ABL1: variants seen among roughly 807,000 people sequenced by gnomAD.
The protein encoded by ABL1 is tyrosine-protein kinase ABL1.
Under a neutral mutation model 94.7 loss-of-function variants are expected in ABL1, and 11 were observed. The observed-to-expected ratio is 0.12, with a 90% CI of 0.07 to 0.19. ABL1 has a LOEUF of 0.19. Ranked by LOEUF, ABL1 falls within the 10% of genes least tolerant of loss-of-function variation. The pLI is 1.00. For missense variants in ABL1, 1,082 were observed against 1,489.4 expected (o/e 0.73, Z 4.50); for synonymous variants, 656 against 622.4 (o/e 1.05, Z -0.80).
intron 1 of ABL1, among the ~76,000 whole-genome samples, chr9:130,846,287 T>C (rs895318157): frequency 2.6e-5 from 4 of 152,204 alleles, no homozygotes; most frequent in Admixed American, 1.3e-4. Flanking sequence ...ATAAAATAAC[T>C]TGAGAATAGT....
intron 1 of ABL1, among the ~76,000 whole-genome samples, chr9:130,735,952 TATATATATA>T (rs1831732689): frequency 4.5e-5 from 4 of 88,798 alleles, no homozygotes; most frequent in African/African-American, 3.1e-4. Flanking sequence ...TATATATATA[TATATATATA>T]TTTTTTTTTT....
In ABL1 at chr9:130,884,853, A is replaced by T. The variant is rs774659092; in HGVS notation, c.2563A>T (p.Ser855Cys). ...TGCAGCTGAGCCAGTGACCCCCACC[A>T]GCAAAGCAGGCTCAGGTGCACCAGG... ...PAAAEPVTPT[S>C]KAGSGAPGGT... is the part of the protein sequence containing the mutation. The change falls in exon 11 of 11, where the codon AGC becomes TGC. Residue 855 changes from serine to cysteine, a missense_variant. Coordinates refer to ENST00000318560, the MANE Select transcript of ABL1 (RefSeq NM_005157.6). This position sits in a 1 kb window ranked among gnomAD's most constrained non-coding sequence, Gnocchi z 5.6. 1.6e-5 allele frequency: 26 copies of T among 1,605,896 alleles called. No individual in the cohort carries two copies. Among genetic ancestry groups the T allele is most frequent in the Non-Finnish European group, 2.1e-5 (25 of 1,175,870 alleles).
chr9:130,727,958 A>C (rs1318824599), intron 1 of ABL1, among the ~76,000 whole-genome samples: 2 of 152,122 alleles, frequency 1.3e-5, no homozygotes, highest in Non-Finnish European at 2.9e-5. Context: ...ATCTAGGCAC[A>C]CTTCTGGTAA....
intron 1 of ABL1, among the ~76,000 whole-genome samples, chr9:130,782,558 C>T (rs1326179135): frequency 2.0e-5 from 3 of 152,128 alleles, no homozygotes; most frequent in East Asian, 1.9e-4. Flanking sequence ...CACCATTAAC[C>T]GTGTTACCCC....
intron 1 of ABL1, among the ~76,000 whole-genome samples, chr9:130,795,853 T>G (rs1443647650): frequency 6.6e-6 from 1 of 152,266 alleles, no homozygotes; most frequent in Non-Finnish European, 1.5e-5. Context: ...AAAACAAGTT[T>G]ATATTACTTT....
rs1331891364 is a variant in ABL1 at position 130,885,991 on chromosome 9, G to T, written c.*308G>T. On this transcript the variant is annotated 3_prime_UTR_variant, in exon 11 of 11. Coordinates refer to ENST00000318560, the MANE Select transcript of ABL1 (RefSeq NM_005157.6). ...AGCCCCGCTCCCACCTAGTGCCCCAGACTGAGCTCTCCAGGCCAGGTGGGA... is the reference window on the plus strand; with the variant it reads ...AGCCCCGCTCCCACCTAGTGCCCCATACTGAGCTCTCCAGGCCAGGTGGGA... 7.4e-6 allele frequency: 3 copies of T among 407,756 alleles called. No homozygotes were observed. The highest frequency in any genetic ancestry group is 4.0e-5 in the African/African-American group (2 of 50,450). The allele number at this position is 407,756 out of a possible 1,614,324, so 25.3% of individuals were successfully genotyped here. A position where few individuals can be genotyped will look rare whatever the true frequency, so the allele number is the denominator to read the frequency against.
At chr9:130,830,936 G>GA (rs1226640945), upstream of ABL1, among the ~76,000 whole-genome samples, 1 of 152,134 alleles carries the variant, frequency 6.6e-6, no homozygotes, top group Non-Finnish European at 1.5e-5. Flanking sequence ...CTACCCGATT[G>GA]AAAAAATGTG....
intron 1 of ABL1, among the ~76,000 whole-genome samples, chr9:130,745,779 C>T (rs1344823259): frequency 6.6e-6 from 1 of 151,852 alleles, no homozygotes; most frequent in East Asian, 1.9e-4. Context: ...TATTAAAGTC[C>T]TGCTTACTTG....
At chr9:130,883,061 G>C (rs34542147) in intron 10 of ABL1, among the ~76,000 whole-genome samples, 1 of 152,126 alleles carries the variant, frequency 6.6e-6, no homozygotes, top group Admixed American at 6.5e-5. Flanking sequence ...TCTGATAACC[G>C]GCTCTGATGC....
intron 1 of ABL1, among the ~76,000 whole-genome samples, chr9:130,791,803 T>A (rs1829911535): frequency 6.6e-6 from 1 of 152,080 alleles, no homozygotes; most frequent in South Asian, 2.1e-4. Flanking sequence ...CACTACGAGC[T>A]CTCTTTCCCG....
chr9:130,876,733 C>CTTTTTTTT lies in ABL1; in HGVS notation c.1271-1666_1271-1659dup, dbSNP rs755840936. Among the ~76,000 whole-genome samples, 35 of 83,196 alleles carry CTTTTTTTT rather than the reference C, an allele frequency of 4.2e-4. 3 individuals carry two copies. Among genetic ancestry groups the CTTTTTTTT allele is most frequent in the African/African-American group, 1.2e-3 (23 of 19,326 alleles). 54.6% of individuals were successfully genotyped at this position (83,196 alleles called of 152,430 possible). On this transcript the variant is annotated intron_variant, in intron 7 of 10. Transcript: ENST00000318560. ...ACCATGCCCTGCCACAAGTTGGTTT[C>CTTTTTTTT]TTTTTTTTTTTTTTTTTTTTTTTGA...
At chr9:130,770,919 G>T (rs573670172) in intron 1 of ABL1, among the ~76,000 whole-genome samples, 1 of 152,254 alleles carries the variant, frequency 6.6e-6, no homozygotes, top group East Asian at 1.9e-4. Flanking sequence ...ATGAAAGGAG[G>T]TTCATAATCT....
rs778475747 is a variant in ABL1, at chr9:130,872,385, G to A, written c.907+172G>A. 1.3e-5 allele frequency among the ~76,000 whole-genome samples: 2 copies of A among 152,256 alleles called. No individual in the cohort carries two copies. Among genetic ancestry groups the A allele is most frequent in the Non-Finnish European group, 2.9e-5 (2 of 68,044 alleles). On this transcript the variant is annotated intron_variant, in intron 5 of 10. Coordinates refer to ENST00000318560, the MANE Select transcript of ABL1 (RefSeq NM_005157.6). This position sits in a 1 kb window ranked among gnomAD's most constrained non-coding sequence, Gnocchi z 5.0. ...AGGCCTGTATGGGATGGGTGTGTGCGTGTGTGCACATATGCACATGTATGT... is the reference window on the plus strand; with the variant it reads ...AGGCCTGTATGGGATGGGTGTGTGCATGTGTGCACATATGCACATGTATGT...
intron 10 of ABL1, among the ~76,000 whole-genome samples, chr9:130,881,031 C>T (rs554860238): frequency 4.1e-4 from 62 of 152,326 alleles, no homozygotes; most frequent in African/African-American, 1.3e-3. Context: ...AAGCAGCTCA[C>T]GGTGAAGGCA....
rs549491877 is a variant in ABL1, at chr9:130,885,807, G to A, written c.*124G>A. 1.3e-5 allele frequency: 17 copies of A among 1,295,038 alleles called. No individual in the cohort carries two copies. In the African/African-American group the frequency reaches 1.7e-4, roughly 13 times the overall value. 80.2% of individuals were successfully genotyped at this position (1,295,038 alleles called of 1,614,324 possible). On this transcript the variant is annotated 3_prime_UTR_variant, in exon 11 of 11. Transcript: ENST00000318560. ...CAGCACCTTGGCCCAGGAGCTCTGC[G>A]CCAGGCAGAGCTGAGGGCCCTGTGG...
intron 1 of ABL1, among the ~76,000 whole-genome samples, chr9:130,802,680 A>T (rs937809974): frequency 6.6e-6 from 1 of 152,172 alleles, no homozygotes; most frequent in East Asian, 1.9e-4. Context: ...ATCTTTGTCT[A>T]TTCCAGCATT....
intron 1 of ABL1, among the ~76,000 whole-genome samples, chr9:130,787,356 T>TTGTGTG (rs147244425): frequency 6.6e-6 from 1 of 151,618 alleles, no homozygotes; most frequent in Admixed American, 6.6e-5. Flanking sequence ...GTGTGTGTGT[T>TTGTGTG]TGTGTGTGTG....
chr9:130,787,660 C>T (rs954827746), intron 1 of ABL1, among the ~76,000 whole-genome samples: 3 of 152,142 alleles, frequency 2.0e-5, no homozygotes, highest in Non-Finnish European at 4.4e-5. Context: ...GTGCTCTGCT[C>T]CCAGTCGTCG....
chr9:130,808,195 A>G (rs763307639), intron 1 of ABL1, among the ~76,000 whole-genome samples: 1 of 150,484 alleles, frequency 6.6e-6, no homozygotes, highest in Non-Finnish European at 1.5e-5. Flanking sequence ...TTGCTGTGAC[A>G]ACCTTTATCC....
Sources: gnomAD v4.1 joint callset for allele counts (sites outside exome capture counted in the v4.1 genomes callset) on GRCh38, gnomAD v4.1.1 for gene constraint, Gnocchi (gnomAD v3.1) non-coding constraint, MANE v1.5 for transcripts, NCBI Gene and HGNC (gene_info 2026-07-23, HGNC 2026-07-21) for gene names.